Variants in DUSP16 observed in about 807,000 individuals in gnomAD.
The protein encoded by DUSP16 is dual specificity protein phosphatase 16.
A neutral mutation model predicts 58.3 loss-of-function variants in DUSP16; 21 were observed. The observed-to-expected ratio is 0.36, with a 90% confidence interval of 0.26 to 0.52. The LOEUF is 0.52. Among genes scored for constraint, DUSP16 ranks in the 20% least tolerant of loss-of-function variants. DUSP16 has a pLI of 0.94. For missense variants in DUSP16, 726 were observed against 819.0 expected (o/e 0.89, Z 1.39); for synonymous variants, 320 against 323.8 (o/e 0.99, Z 0.12).
At chr12:12,491,745 TCTCA>T (rs1305473875) in intron 4 of DUSP16, among the ~76,000 whole-genome samples, 3 of 152,280 alleles carry the variant, frequency 2.0e-5, no homozygotes, top group Admixed American at 1.3e-4. Context: ...CATCTTGGCC[TCTCA>T]CTCTCATGAG....
At chr12:12,514,111 C>A (rs1166820384) in intron 3 of DUSP16, among the ~76,000 whole-genome samples, 1 of 152,020 alleles carries the variant, frequency 6.6e-6, no homozygotes, top group African/African-American at 2.4e-5. Context: ...AATTTCACAT[C>A]CATTGTCTAA....
intron 1 of DUSP16, among the ~76,000 whole-genome samples, chr12:12,539,407 T>C (rs1944517549): frequency 6.6e-6 from 1 of 152,166 alleles, no homozygotes; most frequent in Non-Finnish European, 1.5e-5. Context: ...AGACAGGGTT[T>C]ATGGGTGAAG....
intron 3 of DUSP16, among the ~76,000 whole-genome samples, chr12:12,507,596 G>A (rs1270540259): frequency 6.6e-6 from 1 of 150,486 alleles, no homozygotes; most frequent in African/African-American, 2.4e-5. Flanking sequence ...TTTGAACTAT[G>A]CGGTTAAATT....
chr12:12,487,893 C>T (rs1592169078), intron 4 of DUSP16, among the ~76,000 whole-genome samples: 1 of 152,128 alleles, frequency 6.6e-6, no homozygotes, highest in East Asian at 1.9e-4. Context: ...CCTTTCTCTT[C>T]CCCATGACCC....
At position 12,476,142 on chromosome 12, in the gene DUSP16, A is replaced by G. The variant is rs1216393723; in HGVS notation, c.*691T>C. The G allele has an allele frequency of 6.6e-6, 1 of 152,628 alleles. No homozygotes were observed. The highest frequency in any genetic ancestry group is 1.5e-5 in the Non-Finnish European group (1 of 68,042). 9.5% of individuals were successfully genotyped at this position (152,628 alleles called of 1,614,324 possible). A position where few individuals can be genotyped will look rare whatever the true frequency, so the allele number is the denominator to read the frequency against. Reference sequence around the variant, plus strand: ...GCATAGACAGTTTGAATTGGTCTGAAAAGTGTGACTAGCTACCTACCTATT... The same window carrying G: ...GCATAGACAGTTTGAATTGGTCTGAGAAGTGTGACTAGCTACCTACCTATT... On this transcript the variant is annotated 3_prime_UTR_variant, in exon 7 of 7. Coordinates refer to ENST00000298573, the MANE Select transcript of DUSP16 (RefSeq NM_030640.3).
At chr12:12,536,076 T>A (rs747404124) in intron 1 of DUSP16, among the ~76,000 whole-genome samples, 9 of 152,214 alleles carry the variant, frequency 5.9e-5, no homozygotes, top group African/African-American at 2.2e-4. Flanking sequence ...GAGGTGAGAA[T>A]AGATTTAAGG....
intron 4 of DUSP16, among the ~76,000 whole-genome samples, chr12:12,494,275 G>A (rs1943799550): frequency 6.6e-6 from 1 of 152,104 alleles, no homozygotes; most frequent in Non-Finnish European, 1.5e-5. Flanking sequence ...ATTAACAGAA[G>A]GTGTGTTTAC....
At chr12:12,536,290 T>C (rs938649644) in intron 1 of DUSP16, among the ~76,000 whole-genome samples, 3 of 152,216 alleles carry the variant, frequency 2.0e-5, no homozygotes, top group South Asian at 2.1e-4. Flanking sequence ...CTAGACTACA[T>C]GATTGAATTA....
rs773448870 is a variant in DUSP16, at chr12:12,477,851, G to A, written c.980C>T (p.Ser327Leu). The change falls in exon 7 of 7, where the codon TCA becomes TTA. Residue 327 changes from serine to leucine, a missense_variant. By Grantham distance (145) the Ser-to-Leu change is moderately radical. Transcript: ENST00000298573. The surrounding 1 kb of genome is among the most constrained non-coding windows in gnomAD (Gnocchi z 4.1). Reference protein sequence around the residue: ...EKPNEPVPAVSEGGQKSETPL... With the variant: ...EKPNEPVPAVLEGGQKSETPL... ...CGTCTCGCTTTTCTGTCCACCCTCT[G>A]AGACAGCAGGGACAGGTTCATTTGG... The A allele has an allele frequency of 1.4e-5, 22 of 1,614,028 alleles. No individual in the cohort carries two copies. The highest frequency in any genetic ancestry group is 1.7e-5 in the Non-Finnish European group (20 of 1,180,042).
chr12:12,517,500 T>C (rs1182410205), intron 3 of DUSP16, among the ~76,000 whole-genome samples: 2 of 152,238 alleles, frequency 1.3e-5, no homozygotes, highest in African/African-American at 4.8e-5. Context: ...AGCTGGACCT[T>C]TGCAATAAAA....
At chr12:12,518,098 G>C (rs920301448) in intron 3 of DUSP16, among the ~76,000 whole-genome samples, 2 of 152,336 alleles carry the variant, frequency 1.3e-5, no homozygotes, top group East Asian at 1.9e-4. Context: ...TCACTCCTCT[G>C]GGGGGCTGTC....
Position 12,520,791 on chromosome 12 carries a change from T to A in DUSP16, c.228+80A>T. On this transcript the variant is annotated intron_variant, in intron 2 of 6. Coordinates refer to ENST00000298573, the MANE Select transcript of DUSP16 (RefSeq NM_030640.3). ...ACTTCCTCAAATTACTTTCTCTACT[T>A]AAAGAGGAGGCTTCAATTAAAATTA... 7 of 1,524,666 alleles carry A rather than the reference T, an allele frequency of 4.6e-6. No homozygotes were observed. In the Admixed American group the frequency reaches 1.2e-4, roughly 26 times the overall value. The allele number at this position is 1,524,666 out of a possible 1,614,324, so 94.4% of individuals were successfully genotyped here. A position where few individuals can be genotyped will look rare whatever the true frequency, so the allele number is the denominator to read the frequency against.
chr12:12,477,769 G>A lies in DUSP16; in HGVS notation c.1062C>T (p.Pro354=), dbSNP rs114832912. The change falls in exon 7 of 7, where the codon CCC becomes CCT. Residue 354 remains proline (P), a synonymous_variant. Transcript: ENST00000298573. The surrounding 1 kb of genome is among the most constrained non-coding windows in gnomAD (Gnocchi z 4.1). ...CGCTGGGCACGCTGGCGGGATGCAC[G>A]GGCCTTTGTCCTGCTGCCTCTGAGG... ...SATSEAAGQR[P]VHPASVPSVP... The A allele has an allele frequency of 1.0e-3, 1,642 of 1,613,854 alleles. 13 individuals are homozygous for A. In the African/African-American group the frequency reaches 0.018, roughly 18 times the overall value.
intron 3 of DUSP16, among the ~76,000 whole-genome samples, chr12:12,507,810 T>C (rs1181728323): frequency 6.6e-6 from 1 of 152,246 alleles, no homozygotes; most frequent in African/African-American, 2.4e-5. Context: ...GGTTTCTCCA[T>C]GTTGGTCAGG....
rs559397731 is a variant in DUSP16 at position 12,473,580 on chromosome 12, A to G, written c.*3253T>C. On this transcript the variant is annotated 3_prime_UTR_variant, in exon 7 of 7. Transcript: ENST00000298573. ...CTTCTAGTCTAGCTCACCCGGCCCA[A>G]TCTTTCTTATAAATTTTCTTAAATG... Among the ~76,000 whole-genome samples, 107 of 152,264 alleles carry G rather than the reference A, an allele frequency of 7.0e-4. No individual in the cohort carries two copies. Among genetic ancestry groups the G allele is most frequent in the South Asian group, 1.7e-3 (8 of 4,826 alleles).
intron 6 of DUSP16, among the ~76,000 whole-genome samples, chr12:12,479,471 C>T (rs1254427998): frequency 6.6e-6 from 1 of 152,106 alleles, no homozygotes; most frequent in Non-Finnish European, 1.5e-5. Context: ...CATGAGAGCT[C>T]GTGCAGATGA....
intron 1 of DUSP16, chr12:12,554,770 T>C (rs969815031): frequency 1.3e-5 from 2 of 152,130 alleles, no homozygotes; most frequent in South Asian, 2.1e-4. Context: ...TATCACCTAA[T>C]ATATATTCCA....
At chr12:12,558,142 C>T (rs994716688) in intron 1 of DUSP16, among the ~76,000 whole-genome samples, 2 of 152,330 alleles carry the variant, frequency 1.3e-5, no homozygotes, top group Middle Eastern at 3.4e-3. Flanking sequence ...TTTTGGAATC[C>T]ATCTCAGCAC....
rs1384065730 is a variant in DUSP16, at chr12:12,540,611, G to A, written c.-365-19148C>T. Among the ~76,000 whole-genome samples the A allele has an allele frequency of 4.6e-5, 7 of 152,310 alleles. No individual in the cohort carries two copies. In the East Asian group the frequency reaches 1.2e-3, roughly 25 times the overall value. ...CTATAAGGCTCCGTGAGATCACATA[G>A]CAAGAGTGGGAGAGAAAAATTTCAA... On this transcript the variant is annotated intron_variant, in intron 1 of 6. Coordinates refer to ENST00000298573, the MANE Select transcript of DUSP16 (RefSeq NM_030640.3).
Sources: allele counts gnomAD v4.1 joint callset (sites outside exome capture counted in the v4.1 genomes callset), GRCh38; gene constraint gnomAD v4.1.1; non-coding constraint Gnocchi (gnomAD v3.1); transcripts MANE v1.5; gene names NCBI Gene and HGNC (gene_info 2026-07-23, HGNC 2026-07-21).